C1orf74: variants seen among roughly 807,000 people sequenced by gnomAD.
C1orf74 encodes chromosome 1 open reading frame 74, also known as UPF0739 protein C1orf74.
C1orf74 carries 5 observed loss-of-function variants against 7.3 expected under a neutral mutation model. The ratio of observed to expected loss-of-function variants is 0.68; its 90% CI spans 0.36 to 1.44. C1orf74 has a LOEUF of 1.44. Ranked by LOEUF, C1orf74 falls within the 40% of genes most tolerant of loss-of-function variation. The pLI is 0.04. For missense variants in C1orf74, 291 were observed against 314.3 expected (o/e 0.93, Z 0.56); for synonymous variants, 121 against 132.5 (o/e 0.91, Z 0.59).
chr1:209,780,137 A>G lies in C1orf74; in HGVS notation c.*2688T>C, dbSNP rs1412000115. ...AAGGGATTGTATTAAAGCATTTACCAAACTTATTTGACAAACTAGGAAGAA... is the reference window on the plus strand; with the variant it reads ...AAGGGATTGTATTAAAGCATTTACCGAACTTATTTGACAAACTAGGAAGAA... On this transcript the variant is annotated 3_prime_UTR_variant, in exon 2 of 2. Coordinates refer to ENST00000294811, the MANE Select transcript of C1orf74 (RefSeq NM_152485.4). 1 of 171,034 alleles carries G rather than the reference A, an allele frequency of 5.8e-6. No individual in the cohort carries two copies. Among genetic ancestry groups the G allele is most frequent in the African/African-American group, 2.4e-5 (1 of 42,274 alleles). 10.6% of individuals were successfully genotyped at this position (171,034 alleles called of 1,614,324 possible).
rs1324738432 is a variant in C1orf74, at chr1:209,780,130, A to G, written c.*2695T>C. On this transcript the variant is annotated 3_prime_UTR_variant, in exon 2 of 2. Transcript: ENST00000294811. Reference sequence around the variant, plus strand: ...CAGGGAAAAGGGATTGTATTAAAGCATTTACCAAACTTATTTGACAAACTA... The same window carrying G: ...CAGGGAAAAGGGATTGTATTAAAGCGTTTACCAAACTTATTTGACAAACTA... 5.9e-6 allele frequency: 1 copy of G among 168,074 alleles called. No homozygotes were observed. The highest frequency in any genetic ancestry group is 1.3e-5 in the Non-Finnish European group (1 of 79,100). 10.4% of individuals were successfully genotyped at this position (168,074 alleles called of 1,614,324 possible).
Position 209,783,137 on chromosome 1 carries a change from G to A in C1orf74, c.498C>T (p.Asp166=). The change falls in exon 2 of 2, where the codon GAC becomes GAT. Residue 166 remains aspartate, a synonymous_variant. Coordinates refer to ENST00000294811, the MANE Select transcript of C1orf74 (RefSeq NM_152485.4). ...TCCCAAATACAGTACACAGATTCCA[G>A]TCTGAGGAATGGAGCCTGCTGTAGG... is the stretch of plus-strand genomic sequence containing the variant. ...AVSYSRLHSS[D]WNLCTVFGIL... 6.2e-7 allele frequency: 1 copy of A among 1,614,178 alleles called. No individual in the cohort carries two copies. Among genetic ancestry groups the A allele is most frequent in the Non-Finnish European group, 8.5e-7 (1 of 1,180,032 alleles).
rs775150702 is a variant in C1orf74 at position 209,782,803 on chromosome 1, C to G, written c.*22G>C. ...GAGATGATCATTTACTGAGTACCTT[C>G]TATATGGGAGGAGAGTTAAAGTCAG... On this transcript the variant is annotated 3_prime_UTR_variant, in exon 2 of 2. Transcript: ENST00000294811. 1.9e-6 allele frequency: 3 copies of G among 1,606,296 alleles called. No homozygotes were observed. Among genetic ancestry groups the G allele is most frequent in the Non-Finnish European group, 2.6e-6 (3 of 1,174,778 alleles).
At position 209,783,149 on chromosome 1, in the gene C1orf74, G is replaced by T; in HGVS notation, c.486C>A (p.Leu162=). The change falls in exon 2 of 2, where the codon CTC becomes CTA. Residue 162 remains leucine (L), a synonymous_variant. Coordinates refer to ENST00000294811, the MANE Select transcript of C1orf74 (RefSeq NM_152485.4). ...TACACAGATTCCAGTCTGAGGAATG[G>T]AGCCTGCTGTAGGAGACTGCTAGAG... The part of the protein sequence containing the change: ...DLSLAVSYSR[L]HSSDWNLCTV... The T allele has an allele frequency of 6.2e-7, 1 of 1,614,144 alleles. No homozygotes were observed. The highest frequency in any genetic ancestry group is 2.2e-5 in the East Asian group (1 of 44,884).
Position 209,781,879 on chromosome 1 carries a change from G to C in C1orf74, c.*946C>G, listed in dbSNP as rs2077789250. The C allele has an allele frequency of 3.4e-6, 2 of 593,270 alleles. No homozygotes were observed. The highest frequency in any genetic ancestry group is 4.0e-5 in the South Asian group (2 of 49,816). The allele number at this position is 593,270 out of a possible 1,614,324, so 36.8% of individuals were successfully genotyped here. On this transcript the variant is annotated 3_prime_UTR_variant, in exon 2 of 2. Transcript: ENST00000294811. ...ACGGCTCCCTGGGCCAGAGAACATT[G>C]GTTAAGTGGTTTTATCCCAAGACAG... is the stretch of plus-strand genomic sequence containing the variant.
chr1:209,779,805 G>A lies in C1orf74; in HGVS notation c.*3020C>T, dbSNP rs2102519570. 2 of 390,612 alleles carry A rather than the reference G, an allele frequency of 5.1e-6. No homozygotes were observed. Among genetic ancestry groups the A allele is most frequent in the South Asian group, 3.5e-5 (1 of 28,844 alleles). 24.2% of individuals were successfully genotyped at this position (390,612 alleles called of 1,614,324 possible). A position where few individuals can be genotyped will look rare whatever the true frequency, so the allele number is the denominator to read the frequency against. ...GAGAATTCACTGTGTATACAGAGGG[G>A]CAATAGCTCCTCACCTGTCCACTAC... is the stretch of plus-strand genomic sequence containing the variant. On this transcript the variant is annotated 3_prime_UTR_variant, in exon 2 of 2. Transcript: ENST00000294811.
At position 209,779,270 on chromosome 1, in the gene C1orf74, T is replaced by C. The variant is rs766448191; in HGVS notation, c.*3555A>G. On this transcript the variant is annotated 3_prime_UTR_variant, in exon 2 of 2. Coordinates refer to ENST00000294811, the MANE Select transcript of C1orf74 (RefSeq NM_152485.4). ...AAAGTTCTGAAAAGAAAACTTTTTG[T>C]AGTAAATATGCTAGCATAGACAAGT... The C allele has an allele frequency of 1.0e-5, 16 of 1,556,480 alleles. No individual in the cohort carries two copies. The East Asian group carries it at 3.6e-4, about 35-fold the overall frequency.
chr1:209,779,699 C>T lies in C1orf74; in HGVS notation c.*3126G>A. Reference sequence around the variant, plus strand: ...ACACACTTGATTTTCCAAATCACATCCAACTCCCCAGCCCCAAACCACATA... The same window carrying T: ...ACACACTTGATTTTCCAAATCACATTCAACTCCCCAGCCCCAAACCACATA... On this transcript the variant is annotated 3_prime_UTR_variant, in exon 2 of 2. Coordinates refer to ENST00000294811, the MANE Select transcript of C1orf74 (RefSeq NM_152485.4). 1.7e-6 allele frequency: 1 copy of T among 593,672 alleles called. No individual in the cohort carries two copies. Among genetic ancestry groups the T allele is most frequent in the Non-Finnish European group, 3.0e-6 (1 of 335,212 alleles). The allele number at this position is 593,672 out of a possible 1,614,324, so 36.8% of individuals were successfully genotyped here.
In C1orf74 at chr1:209,782,230, C is replaced by T; in HGVS notation, c.*595G>A. 9.0e-7 allele frequency: 1 copy of T among 1,106,002 alleles called. No homozygotes were observed. The highest frequency in any genetic ancestry group is 1.4e-6 in the Non-Finnish European group (1 of 722,422). 68.5% of individuals were successfully genotyped at this position (1,106,002 alleles called of 1,614,324 possible). Reference sequence around the variant, plus strand: ...CTCAGAAGGTTTGGGTACATTACAGCTTGGGTTTTCCAACTGACTTAGGAT... The same window carrying T: ...CTCAGAAGGTTTGGGTACATTACAGTTTGGGTTTTCCAACTGACTTAGGAT... On this transcript the variant is annotated 3_prime_UTR_variant, in exon 2 of 2. Coordinates refer to ENST00000294811, the MANE Select transcript of C1orf74 (RefSeq NM_152485.4).
rs1279502953 is a variant in C1orf74, at chr1:209,781,267, T to C, written c.*1558A>G. 4 of 929,984 alleles carry C rather than the reference T, an allele frequency of 4.3e-6. No homozygotes were observed. In the Admixed American group the frequency reaches 8.3e-5, roughly 19 times the overall value. 57.6% of individuals were successfully genotyped at this position (929,984 alleles called of 1,614,324 possible). A position where few individuals can be genotyped will look rare whatever the true frequency, so the allele number is the denominator to read the frequency against. Reference sequence around the variant, plus strand: ...GTAAAAATTCCAAATGAGTGAAACTTACAAAGGGCAGTCTCCCCTGCCTGG... The same window carrying C: ...GTAAAAATTCCAAATGAGTGAAACTCACAAAGGGCAGTCTCCCCTGCCTGG... On this transcript the variant is annotated 3_prime_UTR_variant, in exon 2 of 2. Transcript: ENST00000294811.
chr1:209,783,905 AG>A (rs1475983059), intron 1 of C1orf74, among the ~76,000 whole-genome samples, 196 bp from the exon 2 acceptor site: 5 of 152,126 alleles, frequency 3.3e-5, no homozygotes, highest in Non-Finnish European at 7.3e-5. Flanking sequence ...CTAGCCTTAT[AG>A]CTAGATTTAT....
chr1:209,779,737 C>T lies in C1orf74; in HGVS notation c.*3088G>A, dbSNP rs987069017. The T allele has an allele frequency of 1.8e-6, 1 of 565,754 alleles. No individual in the cohort carries two copies. 35.0% of individuals were successfully genotyped at this position (565,754 alleles called of 1,614,324 possible). A position where few individuals can be genotyped will look rare whatever the true frequency, so the allele number is the denominator to read the frequency against. On this transcript the variant is annotated 3_prime_UTR_variant, in exon 2 of 2. Transcript: ENST00000294811. ...CCCAAACCACATAGCAGTCCAGAGTCAACTCACTGTTAGCCCTAGAGAGTC... is the reference window on the plus strand; with the variant it reads ...CCCAAACCACATAGCAGTCCAGAGTTAACTCACTGTTAGCCCTAGAGAGTC...
At position 209,781,117 on chromosome 1, in the gene C1orf74, T is replaced by C; in HGVS notation, c.*1708A>G. 3.6e-6 allele frequency: 1 copy of C among 275,282 alleles called. No individual in the cohort carries two copies. Among genetic ancestry groups the C allele is most frequent in the Non-Finnish European group, 6.9e-6 (1 of 144,748 alleles). 17.1% of individuals were successfully genotyped at this position (275,282 alleles called of 1,614,324 possible). On this transcript the variant is annotated 3_prime_UTR_variant, in exon 2 of 2. Transcript: ENST00000294811. ...GTAAAGTCATATAAAAGAACTTAAATGTATAAAATGTAATACTATAATATG... is the reference window on the plus strand; with the variant it reads ...GTAAAGTCATATAAAAGAACTTAAACGTATAAAATGTAATACTATAATATG...
rs776454243 is a variant in C1orf74 at position 209,783,091 on chromosome 1, G to C, written c.544C>G (p.Pro182Ala). Residue 182 changes from proline to alanine, a missense_variant, in exon 2 of 2, where the codon CCC becomes GCC. Coordinates refer to ENST00000294811, the MANE Select transcript of C1orf74 (RefSeq NM_152485.4). ...CCCTGGTTCAGGTGAAAGGTATAGG[G>C]AACAGGATAGCCCAGGAGGATCCCA... ...VFGILLGYPV[P>A]YTFHLNQGDD... The C allele has an allele frequency of 6.2e-7, 1 of 1,614,170 alleles. No individual in the cohort carries two copies. Among genetic ancestry groups the C allele is most frequent in the East Asian group, 2.2e-5 (1 of 44,864 alleles).
At position 209,781,351 on chromosome 1, in the gene C1orf74, G is replaced by T; in HGVS notation, c.*1474C>A. 3.1e-6 allele frequency: 5 copies of T among 1,610,612 alleles called. No homozygotes were observed. In the South Asian group the frequency reaches 5.5e-5, roughly 18 times the overall value. On this transcript the variant is annotated 3_prime_UTR_variant, in exon 2 of 2. Transcript: ENST00000294811. ...TTGGTGATGTTCTCCCCAGTGCAGA[G>T]AACTGCATTCAGAATTAGACAACCT...
intron 1 of C1orf74, 46 bp downstream of exon 1, chr1:209,784,332 A>G (rs1019773777): frequency 1.3e-5 from 2 of 152,232 alleles, no homozygotes; most frequent in African/African-American, 4.8e-5. Flanking sequence ...ACACCAGAGC[A>G]TGTTATAGTG....
In C1orf74 at chr1:209,783,088, AG is replaced by A; in HGVS notation, c.546del (p.Tyr183IlefsTer5). The A allele has an allele frequency of 6.2e-7, 1 of 1,614,208 alleles. No homozygotes were observed. The highest frequency in any genetic ancestry group is 8.5e-7 in the Non-Finnish European group (1 of 1,180,038). On this transcript the variant is annotated frameshift_variant, in exon 2 of 2. Coordinates refer to ENST00000294811, the MANE Select transcript of C1orf74 (RefSeq NM_152485.4). LOFTEE classifies it high-confidence loss of function. ...TCTCCCTGGTTCAGGTGAAAGGTAT[AG>A]GGAACAGGATAGCCCAGGAGGATCC... is the stretch of plus-strand genomic sequence containing the variant. The part of the protein sequence containing the change: ...VFGILLGYPV[P>X]YTFHLNQGDD...
chr1:209,783,016 T>G lies in C1orf74; in HGVS notation c.619A>C (p.Ile207Leu). ...LTPLRVFTAR[I>L]SWLLGQPPIL... ...GGGGGTTGACCTAGCAACCATGAGA[T>G]CCGGGCAGTGAATACTCGTAGTGGA... Residue 207 changes from isoleucine (I) to leucine (L), a missense_variant, in exon 2 of 2, where the codon ATC becomes CTC. Coordinates refer to ENST00000294811, the MANE Select transcript of C1orf74 (RefSeq NM_152485.4). The G allele has an allele frequency of 6.2e-7, 1 of 1,614,080 alleles. No individual in the cohort carries two copies. The highest frequency in any genetic ancestry group is 8.5e-7 in the Non-Finnish European group (1 of 1,180,020).
rs2077765751 is a variant in C1orf74, at chr1:209,780,969, T to A, written c.*1856A>T. 1 of 185,732 alleles carries A rather than the reference T, an allele frequency of 5.4e-6. No individual in the cohort carries two copies. The highest frequency in any genetic ancestry group is 1.1e-5 in the Non-Finnish European group (1 of 89,130). The allele number at this position is 185,732 out of a possible 1,614,324, so 11.5% of individuals were successfully genotyped here. ...TTGTACATACTCACAAACATACACATCCCCAGAAGTATTGATATGCAACTA... is the reference window on the plus strand; with the variant it reads ...TTGTACATACTCACAAACATACACAACCCCAGAAGTATTGATATGCAACTA... On this transcript the variant is annotated 3_prime_UTR_variant, in exon 2 of 2. Transcript: ENST00000294811.
Sources: allele counts gnomAD v4.1 joint callset (sites outside exome capture counted in the v4.1 genomes callset), GRCh38; gene constraint gnomAD v4.1.1; transcripts MANE v1.5; gene names NCBI Gene and HGNC (gene_info 2026-07-23, HGNC 2026-07-21).